C3orf18: variants seen among roughly 807,000 people sequenced by gnomAD.
The protein encoded by C3orf18 is chromosome 3 open reading frame 18.
C3orf18 carries 12 observed loss-of-function variants against 14.1 expected under a neutral mutation model. The ratio of observed to expected loss-of-function variants is 0.85; its 90% CI spans 0.55 to 1.38. The LOEUF (loss-of-function observed/expected upper bound fraction) is 1.38, where lower values mean the gene tolerates loss of function less well. C3orf18 is among the 40% of genes most tolerant of loss of function. C3orf18 has a pLI of 0.00. For synonymous variants in C3orf18, 82 were observed against 87.9 expected (o/e 0.93, Z 0.38); for missense variants, 196 against 213.9 (o/e 0.92, Z 0.52).
upstream of C3orf18, chr3:50,572,277 G>A: frequency 6.4e-7 from 1 of 1,558,664 alleles, no homozygotes; most frequent in Non-Finnish European, 8.7e-7. Flanking sequence ...TCTTACCCCA[G>A]GCTTCCTCCA....
chr3:50,561,070 G>GA lies in C3orf18; in HGVS notation c.261-7dup. The GA allele has an allele frequency of 6.2e-7, 1 of 1,613,616 alleles. No homozygotes were observed. The highest frequency in any genetic ancestry group is 2.2e-5 in the East Asian group (1 of 44,886). On this transcript the variant is annotated splice_polypyrimidine_tract_variant and splice_region_variant and intron_variant, in intron 4 of 5. Transcript: ENST00000357203. Reference sequence around the variant, plus strand: ...GGTGGCGTAGCTTCTCCAGCCTGGGGATGGGGGCAAAGGCTGCTGGGGACA... The same window carrying GA: ...GGTGGCGTAGCTTCTCCAGCCTGGGGAATGGGGGCAAAGGCTGCTGGGGACA...
chr3:50,558,157 G>C lies in C3orf18; in HGVS notation c.*1500C>G, dbSNP rs1699769725. On this transcript the variant is annotated 3_prime_UTR_variant, in exon 6 of 6. Transcript: ENST00000357203. ...AGTGCTAACGTATTTATAGCATTTA[G>C]AGGAGGGAATAAATCCAGAACCTTC... 2 of 154,140 alleles carry C rather than the reference G, an allele frequency of 1.3e-5. No homozygotes were observed. Among genetic ancestry groups the C allele is most frequent in the South Asian group, 4.1e-4 (2 of 4,872 alleles). The allele number at this position is 154,140 out of a possible 1,614,324, so 9.5% of individuals were successfully genotyped here. A position where few individuals can be genotyped will look rare whatever the true frequency, so the allele number is the denominator to read the frequency against.
At chr3:50,563,706 C>T (rs1050791155) in intron 3 of C3orf18, among the ~76,000 whole-genome samples, 9 of 152,176 alleles carry the variant, frequency 5.9e-5, no homozygotes, top group Admixed American at 1.3e-4. Flanking sequence ...GGCCTGTCTC[C>T]GGTCCCCAGG....
upstream of C3orf18, chr3:50,570,034 G>T (rs1700752970): frequency 6.6e-6 from 1 of 152,188 alleles, no homozygotes; most frequent in Non-Finnish European, 1.5e-5. Context: ...TAGAGACAGG[G>T]TTTCACCATG....
chr3:50,570,645 C>T (rs545221508), upstream of C3orf18: 193 of 154,080 alleles, frequency 1.3e-3, no homozygotes, highest in Non-Finnish European at 2.2e-3. Context: ...CTCAAGATCA[C>T]ACACGCTAGG....
chr3:50,558,849 G>C lies in C3orf18; in HGVS notation c.*808C>G. 1 of 1,289,818 alleles carries C rather than the reference G, an allele frequency of 7.8e-7. No homozygotes were observed. The highest frequency in any genetic ancestry group is 1.5e-5 in the African/African-American group (1 of 65,978). 79.9% of individuals were successfully genotyped at this position (1,289,818 alleles called of 1,614,324 possible). A position where few individuals can be genotyped will look rare whatever the true frequency, so the allele number is the denominator to read the frequency against. ...GGGGTAGAGGTCGACTTGGAGGGTG[G>C]GGCCAGTGTGGACAATCTCATTCTG... On this transcript the variant is annotated 3_prime_UTR_variant, in exon 6 of 6. Coordinates refer to ENST00000357203, the MANE Select transcript of C3orf18 (RefSeq NM_016210.5).
rs751354148 is a variant in C3orf18, at chr3:50,565,532, C to T, written c.168G>A (p.Thr56=). ...ACAGAAGCATGGTACCCACGCCGGC[C>T]GTGCCACCAGCTGCATCAGGGATTC... The part of the protein sequence containing the change: ...DTRIPDAAGG[T]AGVGTMLLSF... Residue 56 remains threonine, a synonymous_variant, in exon 3 of 6, where the codon ACG becomes ACA. Coordinates refer to ENST00000357203, the MANE Select transcript of C3orf18 (RefSeq NM_016210.5). This position sits in a 1 kb window ranked among gnomAD's most constrained non-coding sequence, Gnocchi z 4.4. 8 of 1,613,914 alleles carry T rather than the reference C, an allele frequency of 5.0e-6. No individual in the cohort carries two copies. Among genetic ancestry groups the T allele is most frequent in the East Asian group, 4.5e-5 (2 of 44,896 alleles).
In C3orf18 at chr3:50,558,965, T is replaced by C. The variant is rs905509828; in HGVS notation, c.*692A>G. On this transcript the variant is annotated 3_prime_UTR_variant, in exon 6 of 6. Transcript: ENST00000357203. The stretch of plus-strand genomic sequence containing the variant: ...CGGCAGGTCTGGGGGGGCTGCATCC[T>C]TCCACTTCCATTCCCCTACTTCCTT... The C allele has an allele frequency of 5.4e-5, 70 of 1,287,802 alleles. No individual in the cohort carries two copies. In the Admixed American group the frequency reaches 1.5e-3, roughly 27 times the overall value. The allele number at this position is 1,287,802 out of a possible 1,614,324, so 79.8% of individuals were successfully genotyped here.
Position 50,565,781 on chromosome 3 carries a change from A to G in C3orf18, c.-82T>C. On this transcript the variant is annotated 5_prime_UTR_variant, in exon 3 of 6. Coordinates refer to ENST00000357203, the MANE Select transcript of C3orf18 (RefSeq NM_016210.5). The surrounding 1 kb of genome is among the most constrained non-coding windows in gnomAD (Gnocchi z 4.4). ...CTCACTCCTGACTCCGGAGTGCCCC[A>G]GCCTGTGGTTCCTGCCACCTGTGGT... The G allele has an allele frequency of 8.9e-7, 1 of 1,120,132 alleles. No individual in the cohort carries two copies. Among genetic ancestry groups the G allele is most frequent in the Non-Finnish European group, 1.3e-6 (1 of 787,080 alleles). 69.4% of individuals were successfully genotyped at this position (1,120,132 alleles called of 1,614,324 possible). A position where few individuals can be genotyped will look rare whatever the true frequency, so the allele number is the denominator to read the frequency against.
chr3:50,569,536 T>C (rs1310998051), upstream of C3orf18: 2 of 147,284 alleles, frequency 1.4e-5, no homozygotes, highest in Admixed American at 1.6e-4. Context: ...CGGGGCAGCT[T>C]CTCCGGCTGG....
upstream of C3orf18, chr3:50,572,108 T>A: frequency 1.2e-6 from 2 of 1,613,878 alleles, no homozygotes; most frequent in Non-Finnish European, 1.7e-6. Context: ...AGCTGCCCCC[T>A]CTGCAGGATG....
chr3:50,568,386 C>A (rs1039988705), upstream of C3orf18, among the ~76,000 whole-genome samples: 5 of 152,086 alleles, frequency 3.3e-5, no homozygotes, highest in African/African-American at 1.2e-4. Context: ...AATGCAAACG[C>A]CCCTGTGTCT....
intron 3 of C3orf18, among the ~76,000 whole-genome samples, chr3:50,563,997 T>C (rs2107287816): frequency 6.6e-6 from 1 of 152,376 alleles, no homozygotes; most frequent in South Asian, 2.1e-4. Context: ...TCTCAGGCCC[T>C]GGCCTCATTC....
upstream of C3orf18, chr3:50,571,295 G>T (rs1162108185): frequency 6.2e-7 from 1 of 1,611,142 alleles, no homozygotes; most frequent in South Asian, 1.1e-5. Flanking sequence ...CGGGAATCCA[G>T]TGAGTACATC....
upstream of C3orf18, among the ~76,000 whole-genome samples, chr3:50,574,057 C>T (rs1273992182): frequency 6.6e-6 from 1 of 152,238 alleles, no homozygotes; most frequent in African/African-American, 2.4e-5. Context: ...CACTTAGGTT[C>T]TGCCCAGGCC....
chr3:50,561,876 A>ACAC, intron 3 of C3orf18, 129 bp from the exon 4 acceptor site: 1 of 843,128 alleles, frequency 1.2e-6, no homozygotes, highest in Non-Finnish European at 2.0e-6. Flanking sequence ...AATGACACAT[A>ACAC]CACCACTCCC....
At chr3:50,560,490 C>G (rs1284409639) in intron 5 of C3orf18, among the ~76,000 whole-genome samples, 1 of 152,276 alleles carries the variant, frequency 6.6e-6, no homozygotes, top group Non-Finnish European at 1.5e-5. Context: ...CCACAACCCA[C>G]TCAGGACCAC....
upstream of C3orf18, among the ~76,000 whole-genome samples, chr3:50,568,263 C>T (rs1700495873): frequency 6.6e-6 from 1 of 152,050 alleles, no homozygotes; most frequent in African/African-American, 2.4e-5. Context: ...CTACATATAC[C>T]CTCACAATAG....
At chr3:50,566,362 C>T (rs1379534173) in intron 1 of C3orf18, among the ~76,000 whole-genome samples, 1 of 152,094 alleles carries the variant, frequency 6.6e-6, no homozygotes, top group East Asian at 1.9e-4. Context: ...AAAGTCACTC[C>T]ACCTCTCTGT....
Sources: allele counts gnomAD v4.1 joint callset (sites outside exome capture counted in the v4.1 genomes callset), GRCh38; gene constraint gnomAD v4.1.1; non-coding constraint Gnocchi (gnomAD v3.1); transcripts MANE v1.5; gene names NCBI Gene and HGNC (gene_info 2026-07-23, HGNC 2026-07-21).